Variants in CLNK observed in about 807,000 individuals in gnomAD.
CLNK encodes cytokine-dependent hematopoietic cell linker.
Under a neutral mutation model 68.6 loss-of-function variants are expected in CLNK, and 74 were observed. The ratio of observed to expected loss-of-function variants is 1.08; its 90% CI spans 0.89 to 1.31. The LOEUF (loss-of-function observed/expected upper bound fraction) is 1.31. Among genes scored for constraint, CLNK ranks in the 50% most tolerant of loss-of-function variants. The probability of loss-of-function intolerance (pLI) is 0.00; values close to 1 mark genes in which losing one functional copy is unlikely to be tolerated. For synonymous variants in CLNK, 198 were observed against 172.2 expected, an observed-to-expected ratio of 1.15 and a Z score of -1.17; for missense variants, 553 against 515.3, an observed-to-expected ratio of 1.07 and a Z score of -0.71.
At chr4:10,519,390 C>A (rs1440397312) in intron 15 of CLNK, among the ~76,000 whole-genome samples, 2 of 152,174 alleles carry the variant, frequency 1.3e-5, no homozygotes, top group Admixed American at 1.3e-4. Flanking sequence ...ATCCCTGCAA[C>A]AAAACCTCCA....
intron 3 of CLNK, among the ~76,000 whole-genome samples, chr4:10,590,973 C>A (rs1444597889): frequency 6.6e-6 from 1 of 152,188 alleles, no homozygotes; most frequent in Non-Finnish European, 1.5e-5. Context: ...GATGGATTAG[C>A]TGAGGTTAGC....
chr4:10,499,712 T>C (rs902963008), intron 18 of CLNK, among the ~76,000 whole-genome samples: 4 of 152,220 alleles, frequency 2.6e-5, no homozygotes, highest in African/African-American at 7.2e-5. Flanking sequence ...GAAATGTCTT[T>C]CTTCGCAGTT....
intron 4 of CLNK, among the ~76,000 whole-genome samples, chr4:10,575,623 AT>A (rs2108830926): frequency 6.6e-6 from 1 of 152,328 alleles, no homozygotes; most frequent in East Asian, 1.9e-4. Flanking sequence ...GTGGGTGGGC[AT>A]GGCGTGGATC....
chr4:10,627,032 C>T (rs1476159882), intron 2 of CLNK, among the ~76,000 whole-genome samples: 1 of 152,230 alleles, frequency 6.6e-6, no homozygotes, highest in East Asian at 1.9e-4. Flanking sequence ...CAATTTGCTA[C>T]ATCAGCGAGA....
intron 16 of CLNK, among the ~76,000 whole-genome samples, chr4:10,509,171 A>G (rs1458703750): frequency 6.6e-6 from 1 of 151,936 alleles, no homozygotes; most frequent in Non-Finnish European, 1.5e-5. Context: ...GGTACGTGAC[A>G]TCAGGTCTTT....
chr4:10,497,421 G>A (rs866182142), intron 18 of CLNK, among the ~76,000 whole-genome samples: 1 of 152,272 alleles, frequency 6.6e-6, no homozygotes, highest in Middle Eastern at 3.4e-3. Context: ...AAAAAATAAG[G>A]AACGCAAAGG....
intron 2 of CLNK, among the ~76,000 whole-genome samples, chr4:10,633,808 G>T (rs781598177): frequency 2.0e-5 from 3 of 152,212 alleles, no homozygotes; most frequent in Admixed American, 6.5e-5. Flanking sequence ...ATATTGTTAT[G>T]CACTTTCACA....
the CLNK span, among the ~76,000 whole-genome samples, chr4:10,722,596 T>C: frequency 0.42 from 64,227 of 152,006 alleles, 14,583 homozygotes; most frequent in East Asian, 0.58. Context: ...GTTTTTGGCA[T>C]TCTTAACAAA....
intron 17 of CLNK, among the ~76,000 whole-genome samples, chr4:10,503,080 G>T (rs1330786148): frequency 1.3e-5 from 2 of 152,134 alleles, no homozygotes; most frequent in East Asian, 3.9e-4. Context: ...TTAGTTTTGT[G>T]GTTACATTGT....
At chr4:10,718,910 G>T in the CLNK span, among the ~76,000 whole-genome samples, 2 of 152,000 alleles carry the variant, frequency 1.3e-5, no homozygotes, top group African/African-American at 4.8e-5. Context: ...AGATGGGAAA[G>T]GAGGTAATTT....
intron 16 of CLNK, among the ~76,000 whole-genome samples, chr4:10,509,412 A>G: frequency 6.6e-6 from 1 of 152,136 alleles, no homozygotes; most frequent in East Asian, 1.9e-4. Flanking sequence ...GGACACACAC[A>G]GCTTTAGGGA....
chr4:10,721,718 G>A, the CLNK span, among the ~76,000 whole-genome samples: 15 of 152,240 alleles, frequency 9.9e-5, no homozygotes, highest in East Asian at 1.5e-3. Context: ...TATGTTAGGC[G>A]TTGTACTAAG....
intron 8 of CLNK, among the ~76,000 whole-genome samples, chr4:10,553,705 C>T (rs562399908): frequency 6.6e-6 from 1 of 152,150 alleles, no homozygotes; most frequent in African/African-American, 2.4e-5. Context: ...CCGCCTGCCT[C>T]GACCTCCCGA....
At chr4:10,491,730 A>C (rs1242975419) in intron 18 of CLNK, among the ~76,000 whole-genome samples, 1 of 152,190 alleles carries the variant, frequency 6.6e-6, no homozygotes, top group East Asian at 1.9e-4. Flanking sequence ...AGGACCATGC[A>C]TAAGGACAGG....
rs897691234 is a variant in CLNK at position 10,513,058 on chromosome 4, G to A, written c.906+406C>T. Among the ~76,000 whole-genome samples, 6 of 152,108 alleles carry A rather than the reference G, an allele frequency of 3.9e-5. 1 individual carries two copies. The South Asian group carries it at 1.0e-3, about 26-fold the overall frequency. ...CATAATAACTGCTCAACTAATGGTC[G>A]CTGGACTGTTCAACTGAAATGAGTG... On this transcript the variant is annotated intron_variant, in intron 16 of 18. Transcript: ENST00000226951.
intron 15 of CLNK, among the ~76,000 whole-genome samples, chr4:10,514,920 C>T (rs1717762646): frequency 6.6e-6 from 1 of 152,140 alleles, no homozygotes; most frequent in Non-Finnish European, 1.5e-5. Flanking sequence ...AAAAAACAAA[C>T]AATCCCAGAG....
At chr4:10,550,247 A>C (rs1347324432) in intron 8 of CLNK, among the ~76,000 whole-genome samples, 1 of 152,150 alleles carries the variant, frequency 6.6e-6, no homozygotes. Flanking sequence ...TAATCCCAGC[A>C]CTTTGGGAGG....
At chr4:10,587,690 C>T (rs563124511) in intron 3 of CLNK, among the ~76,000 whole-genome samples, 1 of 152,286 alleles carries the variant, frequency 6.6e-6, no homozygotes, top group African/African-American at 2.4e-5. Flanking sequence ...CCTGTGGGCT[C>T]GCTGTTATCG....
rs775687369 is a variant in CLNK at position 10,614,084 on chromosome 4, G to A, written c.12-16035C>T. 2.4e-4 allele frequency among the ~76,000 whole-genome samples: 36 copies of A among 152,204 alleles called. 1 individual carries two copies. The highest frequency in any genetic ancestry group is 4.7e-4 in the Non-Finnish European group (32 of 68,050). ...TCTCCACATTGAAATTTCTCCAGCTGTAATATAGGAATTTAGATTATTTGG... is the reference window on the plus strand; with the variant it reads ...TCTCCACATTGAAATTTCTCCAGCTATAATATAGGAATTTAGATTATTTGG... On this transcript the variant is annotated intron_variant, in intron 2 of 18. Coordinates refer to ENST00000226951, the MANE Select transcript of CLNK (RefSeq NM_052964.4).
Sources: allele counts gnomAD v4.1 joint callset (sites outside exome capture counted in the v4.1 genomes callset), GRCh38; gene constraint gnomAD v4.1.1; transcripts MANE v1.5; gene names NCBI Gene and HGNC (gene_info 2026-07-23, HGNC 2026-07-21).